The following ARIH1 variants were observed in gnomAD, a reference collection of about 807,000 sequenced individuals.
ARIH1 encodes ariadne RBR E3 ubiquitin protein ligase 1.
Under a neutral mutation model 85.0 loss-of-function variants are expected in ARIH1, and 8 were observed. The ratio of observed to expected loss-of-function variants is 0.09; its 90% CI spans 0.06 to 0.17. ARIH1 has a LOEUF of 0.17. ARIH1 is among the 10% of genes least tolerant of loss of function. The pLI is 1.00. For missense variants in ARIH1, 311 were observed against 718.1 expected, an observed-to-expected ratio of 0.43 and a Z score of 6.48; for synonymous variants, 238 against 253.6, an observed-to-expected ratio of 0.94 and a Z score of 0.59.
Position 72,572,183 on chromosome 15 carries a change from A to G in ARIH1, c.1215+18A>G. On this transcript the variant is annotated intron_variant, in intron 11 of 13. Transcript: ENST00000379887. ...CACAGGAGGTAAGTATATGTATAACAGGACAATAGTTGACTAAGAATGCAC... is the reference window on the plus strand; with the variant it reads ...CACAGGAGGTAAGTATATGTATAACGGGACAATAGTTGACTAAGAATGCAC... 1.3e-6 allele frequency: 2 copies of G among 1,558,418 alleles called. No homozygotes were observed. The highest frequency in any genetic ancestry group is 1.8e-6 in the Non-Finnish European group (2 of 1,134,334).
intron 3 of ARIH1, among the ~76,000 whole-genome samples, chr15:72,549,996 G>A (rs1464523829): frequency 6.6e-6 from 1 of 152,192 alleles, no homozygotes; most frequent in Non-Finnish European, 1.5e-5. Context: ...GAGAGGGAAA[G>A]GGAAGTAAGA....
chr15:72,590,004 A>T lies in ARIH1; in HGVS notation c.*6712A>T, dbSNP rs1436245710. 6.6e-6 allele frequency: 1 copy of T among 152,190 alleles called. No individual in the cohort carries two copies. The highest frequency in any genetic ancestry group is 1.5e-5 in the Non-Finnish European group (1 of 68,038). The allele number at this position is 152,190 out of a possible 1,614,324, so 9.4% of individuals were successfully genotyped here. A position where few individuals can be genotyped will look rare whatever the true frequency, so the allele number is the denominator to read the frequency against. ...TGTAGTTACTATTTTCATTTTATAA[A>T]TAAGAAAATAGAAGCTCAAATAAAA... On this transcript the variant is annotated 3_prime_UTR_variant, in exon 14 of 14. Coordinates refer to ENST00000379887, the MANE Select transcript of ARIH1 (RefSeq NM_005744.5).
intron 1 of ARIH1, among the ~76,000 whole-genome samples, chr15:72,512,508 C>T (rs1463249313): frequency 4.2e-5 from 6 of 144,562 alleles, no homozygotes; most frequent in African/African-American, 1.5e-4. Flanking sequence ...TTTTGTTTCT[C>T]GGTTTTTTTC....
Position 72,556,111 on chromosome 15 carries a change from G to A in ARIH1, c.737+204G>A, listed in dbSNP as rs2064173496. On this transcript the variant is annotated intron_variant, in intron 5 of 13. Transcript: ENST00000379887. The stretch of plus-strand genomic sequence containing the variant: ...ATTCTTACAAACTTAGAAATGCATG[G>A]TAGCTAGATTTTGATAAACCTTGGG... Among the ~76,000 whole-genome samples, 3 of 152,194 alleles carry A rather than the reference G, an allele frequency of 2.0e-5. No homozygotes were observed. The South Asian group carries it at 6.2e-4, about 32-fold the overall frequency.
chr15:72,502,249 C>T (rs2063907031), intron 1 of ARIH1, among the ~76,000 whole-genome samples: 1 of 152,100 alleles, frequency 6.6e-6, no homozygotes. Flanking sequence ...TGATTAAACT[C>T]TTGATGTTTT....
In ARIH1 at chr15:72,474,981, G is replaced by A. The variant is rs1269784663; in HGVS notation, c.342G>A (p.Val114=). 8 of 1,560,416 alleles carry A rather than the reference G, an allele frequency of 5.1e-6. No homozygotes were observed. Among genetic ancestry groups the A allele is most frequent in the African/African-American group, 1.4e-5 (1 of 73,994 alleles). The stretch of plus-strand genomic sequence containing the variant: ...CCGAGCAGATTCTACAACACATGGT[G>A]GAATGTATCCGGGAGGTCAACGAGG... ...LTAEQILQHM[V]ECIREVNEVI... is the part of the protein sequence containing the mutation. Residue 114 remains valine, a synonymous_variant, in exon 1 of 14, where the codon GTG becomes GTA. Coordinates refer to ENST00000379887, the MANE Select transcript of ARIH1 (RefSeq NM_005744.5).
At chr15:72,537,952 T>G (rs1206551839) in intron 2 of ARIH1, among the ~76,000 whole-genome samples, 3 of 152,242 alleles carry the variant, frequency 2.0e-5, no homozygotes, top group Non-Finnish European at 4.4e-5. Flanking sequence ...TAATACATTT[T>G]CATATGTGTG....
At chr15:72,510,550 C>A (rs1191007005) in intron 1 of ARIH1, among the ~76,000 whole-genome samples, 12 of 151,654 alleles carry the variant, frequency 7.9e-5, no homozygotes, top group Middle Eastern at 6.9e-3. Flanking sequence ...CGAGACCATC[C>A]TGGCTAACAT....
At chr15:72,558,115 A>C (rs1410948410) in intron 5 of ARIH1, among the ~76,000 whole-genome samples, 1 of 152,076 alleles carries the variant, frequency 6.6e-6, no homozygotes, top group African/African-American at 2.4e-5. Flanking sequence ...CCTTTTCCTA[A>C]GTGGAATGCT....
At chr15:72,522,364 G>A (rs187504442) in intron 2 of ARIH1, among the ~76,000 whole-genome samples, 27 of 152,134 alleles carry the variant, frequency 1.8e-4, no homozygotes, top group Admixed American at 9.8e-4. Context: ...AAACACAAAA[G>A]TTAGCCAGGC....
intron 1 of ARIH1, among the ~76,000 whole-genome samples, chr15:72,517,771 AT>A (rs200081464): frequency 1.1e-4 from 16 of 148,588 alleles, no homozygotes; most frequent in African/African-American, 2.0e-4. Flanking sequence ...TGCTGAAATT[AT>A]TTTTTTTTTG....
chr15:72,541,148 G>A (rs1317926034), intron 2 of ARIH1, among the ~76,000 whole-genome samples: 1 of 152,066 alleles, frequency 6.6e-6, no homozygotes, highest in Non-Finnish European at 1.5e-5. Context: ...AAAAGGAAGC[G>A]GTGTATCAAG....
At chr15:72,500,162 C>A (rs560563049) in intron 1 of ARIH1, among the ~76,000 whole-genome samples, 1 of 151,630 alleles carries the variant, frequency 6.6e-6, no homozygotes, top group Admixed American at 6.6e-5. Context: ...GGCACAATCT[C>A]GTCTCACTGC....
At chr15:72,497,015 G>A (rs2140399308) in intron 1 of ARIH1, among the ~76,000 whole-genome samples, 1 of 152,364 alleles carries the variant, frequency 6.6e-6, no homozygotes, top group South Asian at 2.1e-4. Flanking sequence ...CAAATGTGAT[G>A]TACTTGTAAA....
intron 1 of ARIH1, among the ~76,000 whole-genome samples, chr15:72,483,109 G>A (rs183183204): frequency 2.0e-5 from 3 of 152,138 alleles, no homozygotes; most frequent in South Asian, 2.1e-4. Context: ...GGATCTGCCC[G>A]CCTTAGCCTC....
Position 72,474,486 on chromosome 15 carries a change from C to G in ARIH1, c.-154C>G. The G allele has an allele frequency of 9.4e-7, 1 of 1,065,716 alleles. No homozygotes were observed. The highest frequency in any genetic ancestry group is 1.3e-6 in the Non-Finnish European group (1 of 779,044). The allele number at this position is 1,065,716 out of a possible 1,614,324, so 66.0% of individuals were successfully genotyped here. A position where few individuals can be genotyped will look rare whatever the true frequency, so the allele number is the denominator to read the frequency against. ...CCCGCCGCCACCAGCCGTCAAACGC[C>G]AACCGCCGCTCCTGGGGAGGAGCCG... On this transcript the variant is annotated 5_prime_UTR_variant, in exon 1 of 14. Coordinates refer to ENST00000379887, the MANE Select transcript of ARIH1 (RefSeq NM_005744.5).
intron 2 of ARIH1, among the ~76,000 whole-genome samples, chr15:72,523,971 G>A (rs767652215): frequency 8.2e-6 from 1 of 121,728 alleles, no homozygotes; most frequent in African/African-American, 3.0e-5. Flanking sequence ...TTTTGAGATG[G>A]AGTCTCGCTC....
At chr15:72,485,502 T>G (rs1349601345) in intron 1 of ARIH1, among the ~76,000 whole-genome samples, 2 of 152,188 alleles carry the variant, frequency 1.3e-5, no homozygotes, top group African/African-American at 4.8e-5. Context: ...TTGTGATGCA[T>G]CTCAATACAG....
At chr15:72,514,900 T>C (rs936013807) in intron 1 of ARIH1, among the ~76,000 whole-genome samples, 4 of 151,738 alleles carry the variant, frequency 2.6e-5, no homozygotes, top group African/African-American at 7.3e-5. Context: ...CTCAGGAGAA[T>C]TGCTTGAATC....
Sources: gnomAD v4.1 joint callset for allele counts (sites outside exome capture counted in the v4.1 genomes callset) on GRCh38, gnomAD v4.1.1 for gene constraint, MANE v1.5 for transcripts, NCBI Gene and HGNC (gene_info 2026-07-23, HGNC 2026-07-21) for gene names.